TTC29: variants seen among roughly 807,000 people sequenced by gnomAD.
TTC29 encodes the protein tetratricopeptide repeat protein 29.
A neutral mutation model predicts 58.1 loss-of-function variants in TTC29; 49 were observed. The observed-to-expected ratio is 0.84, with a 90% CI of 0.67 to 1.07. The LOEUF (loss-of-function observed/expected upper bound fraction) is 1.07, where lower values mean the gene tolerates loss of function less well. TTC29 is among the 50% of genes least tolerant of loss of function. TTC29 has a pLI of 0.00. For missense variants in TTC29, 582 were observed against 555.6 expected (o/e 1.05, Z -0.48); for synonymous variants, 209 against 196.8 (o/e 1.06, Z -0.52).
At chr4:146,725,839 A>G (rs1468092003) in intron 11 of TTC29, among the ~76,000 whole-genome samples, 1 of 152,160 alleles carries the variant, frequency 6.6e-6, no homozygotes, top group African/African-American at 2.4e-5. Flanking sequence ...AGTAAATTAC[A>G]TATCAACTTG....
At position 146,770,975 on chromosome 4, in the gene TTC29, A is replaced by G. The variant is rs183617058; in HGVS notation, c.1330+32482T>C. Among the ~76,000 whole-genome samples the G allele has an allele frequency of 1.2e-4, 18 of 152,250 alleles. No individual in the cohort carries two copies. The East Asian group carries it at 3.5e-3, about 29-fold the overall frequency. ...ATAGGGCCTAACATGCAAGGGCTCAATAAATGTTAGTCATTATTTTCTATT... is the reference window on the plus strand; with the variant it reads ...ATAGGGCCTAACATGCAAGGGCTCAGTAAATGTTAGTCATTATTTTCTATT... On this transcript the variant is annotated intron_variant, in intron 11 of 12. Coordinates refer to ENST00000325106, the MANE Select transcript of TTC29 (RefSeq NM_031956.4).
chr4:146,932,259 G>C (rs1357201793), intron 4 of TTC29, among the ~76,000 whole-genome samples: 1 of 152,102 alleles, frequency 6.6e-6, no homozygotes, highest in Non-Finnish European at 1.5e-5. Context: ...AGGAAACAGG[G>C]GTTCTTCCTT....
At chr4:146,712,143 A>T (rs1028433678) in intron 11 of TTC29, among the ~76,000 whole-genome samples, 3 of 152,100 alleles carry the variant, frequency 2.0e-5, no homozygotes, top group Non-Finnish European at 2.9e-5. Context: ...GTTTTTATAA[A>T]CCCAGAATCC....
chr4:146,792,146 A>G (rs987065098), intron 11 of TTC29, among the ~76,000 whole-genome samples: 13 of 152,236 alleles, frequency 8.5e-5, no homozygotes, highest in African/African-American at 2.9e-4. Context: ...TTTTCAATGC[A>G]GATGAAACAG....
rs1041549609 is a variant in TTC29, at chr4:146,760,749, T to A, written c.1330+42708A>T. 1.1e-4 allele frequency among the ~76,000 whole-genome samples: 13 copies of A among 120,590 alleles called. No homozygotes were observed. The South Asian group carries it at 1.3e-3, about 12-fold the overall frequency. The allele number at this position is 120,590 out of a possible 152,430, so 79.1% of individuals were successfully genotyped here. ...GGCTAGCTACATATATATACATATATATGTGTATATATATATATATGATGG... is the reference window on the plus strand; with the variant it reads ...GGCTAGCTACATATATATACATATAAATGTGTATATATATATATATGATGG... On this transcript the variant is annotated intron_variant, in intron 11 of 12. Transcript: ENST00000325106.
At chr4:146,804,342 T>C (rs1368671626) in intron 10 of TTC29, among the ~76,000 whole-genome samples, 1 of 152,122 alleles carries the variant, frequency 6.6e-6, no homozygotes, top group African/African-American at 2.4e-5. Context: ...GCAGGAGTTT[T>C]TTTTTCACAC....
intron 11 of TTC29, among the ~76,000 whole-genome samples, chr4:146,746,771 T>G (rs538524211): frequency 7.9e-5 from 12 of 152,068 alleles, no homozygotes; most frequent in Admixed American, 7.9e-4. Flanking sequence ...ATGAATGAGA[T>G]ATAAATTTAG....
Position 146,909,068 on chromosome 4 carries a change from G to A in TTC29, c.358C>T (p.Leu120=), listed in dbSNP as rs1560708616. The change falls in exon 5 of 13, where the codon CTG becomes TTG. Residue 120 remains leucine, a synonymous_variant. Transcript: ENST00000325106. ...LEEQPDKLDY[L]YHYLTRAEDA... is the part of the protein sequence containing the mutation. ...TCAGCCCTGGTCAGGTAATGGTACA[G>A]GTAATCCAGTTTATCAGGCTGCTCC... The A allele has an allele frequency of 3.1e-6, 5 of 1,613,872 alleles. No homozygotes were observed. The African/African-American group carries it at 5.3e-5, about 17-fold the overall frequency.
intron 11 of TTC29, among the ~76,000 whole-genome samples, chr4:146,724,597 T>C (rs1743630405): frequency 6.6e-6 from 1 of 152,018 alleles, no homozygotes. Flanking sequence ...CACTGCAACC[T>C]CTGCCTCCTG....
chr4:146,753,046 C>T lies in TTC29; in HGVS notation c.1331-45495G>A, dbSNP rs377547276. Among the ~76,000 whole-genome samples the T allele has an allele frequency of 1.3e-3, 201 of 152,282 alleles. 1 individual carries two copies. The highest frequency in any genetic ancestry group is 4.5e-3 in the African/African-American group (189 of 41,560). ...CAATGGCAACAAAAGCCAAAATTGA[C>T]AAATGGGATCTAATTAAACTAAAGA... On this transcript the variant is annotated intron_variant, in intron 11 of 12. Coordinates refer to ENST00000325106, the MANE Select transcript of TTC29 (RefSeq NM_031956.4).
chr4:146,885,042 C>T (rs1220042258), intron 6 of TTC29, among the ~76,000 whole-genome samples: 3 of 151,852 alleles, frequency 2.0e-5, no homozygotes. Flanking sequence ...GAATACAATA[C>T]CAGATTAAGA....
intron 11 of TTC29, among the ~76,000 whole-genome samples, chr4:146,744,521 T>C (rs1343190703): frequency 2.0e-5 from 3 of 152,184 alleles, no homozygotes; most frequent in Non-Finnish European, 4.4e-5. Context: ...GAGATTCATT[T>C]AGTAAATGCC....
intron 11 of TTC29, among the ~76,000 whole-genome samples, chr4:146,756,944 T>C (rs1030597153): frequency 4.6e-5 from 7 of 152,130 alleles, no homozygotes; most frequent in Admixed American, 1.3e-4. Flanking sequence ...TCTTGTATTA[T>C]TTTTTGGATT....
chr4:146,843,425 CTT>C (rs1441276179), intron 8 of TTC29, among the ~76,000 whole-genome samples: 3 of 152,252 alleles, frequency 2.0e-5, no homozygotes, highest in African/African-American at 7.2e-5. Context: ...AGTACGTACA[CTT>C]TCTCCCTGAA....
At chr4:146,821,670 C>T (rs993915326) in intron 9 of TTC29, among the ~76,000 whole-genome samples, 3 of 152,148 alleles carry the variant, frequency 2.0e-5, no homozygotes, top group Non-Finnish European at 4.4e-5. Context: ...ACATATGCTG[C>T]ACACATGAAA....
rs991012523 is a variant in TTC29, at chr4:146,818,922, TG to T, written c.1101+1202del. Among the ~76,000 whole-genome samples, 15 of 148,288 alleles carry T rather than the reference TG, an allele frequency of 1.0e-4. 1 individual carries two copies. The highest frequency in any genetic ancestry group is 1.9e-4 in the Non-Finnish European group (13 of 67,150). ...ACACAGGAAGGGGAACATCACACTC[TG>T]GGGACTGTTGTGGGGTGGGGGATGG... On this transcript the variant is annotated intron_variant, in intron 10 of 12. Coordinates refer to ENST00000325106, the MANE Select transcript of TTC29 (RefSeq NM_031956.4).
chr4:146,915,452 A>G (rs1050443864), intron 4 of TTC29, among the ~76,000 whole-genome samples: 2 of 152,052 alleles, frequency 1.3e-5, no homozygotes, highest in African/African-American at 2.4e-5. Flanking sequence ...AAAAGGAGAG[A>G]GCAGACAGCC....
chr4:146,783,046 C>T (rs2150090378), intron 11 of TTC29, among the ~76,000 whole-genome samples: 1 of 151,988 alleles, frequency 6.6e-6, no homozygotes, highest in Admixed American at 6.6e-5. Flanking sequence ...TTCAACATAC[C>T]ACATCATAAT....
chr4:146,755,908 C>T (rs999010908), intron 11 of TTC29, among the ~76,000 whole-genome samples: 1 of 152,108 alleles, frequency 6.6e-6, no homozygotes, highest in African/African-American at 2.4e-5. Flanking sequence ...ACATGTATCT[C>T]AACCTATTAT....
Sources: gnomAD v4.1 joint callset for allele counts (sites outside exome capture counted in the v4.1 genomes callset) on GRCh38, gnomAD v4.1.1 for gene constraint, MANE v1.5 for transcripts, NCBI Gene and HGNC (gene_info 2026-07-23, HGNC 2026-07-21) for gene names.